Variants in CYRIB observed in about 807,000 individuals in gnomAD.
CYRIB encodes CYFIP related Rac1 interactor B, also known as CYFIP-related Rac1 interactor B.
A neutral mutation model predicts 44.2 loss-of-function variants in CYRIB; 8 were observed. The ratio of observed to expected loss-of-function variants is 0.18; its 90% CI spans 0.11 to 0.33. The LOEUF is 0.33. Ranked by LOEUF, CYRIB falls within the 10% of genes least tolerant of loss-of-function variation. CYRIB has a pLI of 1.00. For synonymous variants in CYRIB, 131 were observed against 127.2 expected (o/e 1.03, Z -0.20); for missense variants, 185 against 382.8 (o/e 0.48, Z 4.31).
intron 1 of CYRIB, among the ~76,000 whole-genome samples, chr8:129,917,061 G>GA (rs919272148): frequency 2.6e-5 from 4 of 152,166 alleles, no homozygotes; most frequent in Non-Finnish European, 5.9e-5. Context: ...TACTGCTTAG[G>GA]AAAAATCACA....
chr8:129,949,875 AT>A (rs1432425796), intron 2 of CYRIB, among the ~76,000 whole-genome samples: 3 of 152,038 alleles, frequency 2.0e-5, no homozygotes, highest in Non-Finnish European at 4.4e-5. Flanking sequence ...TTAAAAAAAA[AT>A]AATAATAATA....
intron 2 of CYRIB, among the ~76,000 whole-genome samples, chr8:129,968,780 A>C (rs2095581771): frequency 6.6e-6 from 1 of 152,138 alleles, no homozygotes; most frequent in African/African-American, 2.4e-5. Context: ...TTTCCAGTCA[A>C]GTCAAGCTTC....
rs2036656362 is a variant in CYRIB at position 129,842,208 on chromosome 8, A to G, written c.912-3T>C. On this transcript the variant is annotated splice_region_variant and splice_polypyrimidine_tract_variant and intron_variant, in intron 11 of 11. Transcript: ENST00000519824. ...CATTCAAATGTTTTGTTGTGTACCT[A>G]AAAAAAGAAAAGAAAAAAGATCAAT... 1 of 1,599,064 alleles carries G rather than the reference A, an allele frequency of 6.3e-7. No homozygotes were observed. The highest frequency in any genetic ancestry group is 8.6e-7 in the Non-Finnish European group (1 of 1,169,270).
At chr8:129,885,931 C>T (rs1171292579) in intron 2 of CYRIB, among the ~76,000 whole-genome samples, 1 of 152,198 alleles carries the variant, frequency 6.6e-6, no homozygotes, top group African/African-American at 2.4e-5. Context: ...ATCTTTCACA[C>T]ACAAAACACA....
chr8:129,985,884 C>G (rs1283297595), intron 1 of CYRIB, among the ~76,000 whole-genome samples: 1 of 152,158 alleles, frequency 6.6e-6, no homozygotes, highest in Non-Finnish European at 1.5e-5. Context: ...ACAGTCTACC[C>G]CAGCCCTACC....
intron 4 of CYRIB, among the ~76,000 whole-genome samples, chr8:129,866,526 C>T (rs2053689641): frequency 6.6e-6 from 1 of 151,918 alleles, no homozygotes; most frequent in Non-Finnish European, 1.5e-5. Context: ...TTAAATCACA[C>T]ATTTTGACTG....
intron 1 of CYRIB, among the ~76,000 whole-genome samples, chr8:129,925,398 T>A (rs2086947418): frequency 1.3e-5 from 2 of 151,598 alleles, no homozygotes; most frequent in Non-Finnish European, 1.5e-5. Flanking sequence ...TCTTAAAAAA[T>A]AATAATAATA....
chr8:129,956,034 C>G (rs1305432551), intron 2 of CYRIB, among the ~76,000 whole-genome samples: 1 of 152,200 alleles, frequency 6.6e-6, no homozygotes, highest in Non-Finnish European at 1.5e-5. Context: ...CCCCATCTTT[C>G]TCATTTTCAC....
At chr8:129,890,925 T>G (rs7846077) in intron 2 of CYRIB, among the ~76,000 whole-genome samples, 5 of 144,792 alleles carry the variant, frequency 3.5e-5, no homozygotes, top group South Asian at 2.2e-4. Flanking sequence ...AAAGAAAAAA[T>G]AAAAGAAGAA....
At chr8:129,887,085 T>C (rs28520393) in intron 2 of CYRIB, among the ~76,000 whole-genome samples, 8,709 of 152,172 alleles carry the variant, frequency 0.057, 832 homozygotes, top group African/African-American at 0.19. Context: ...GAAAATGCCT[T>C]GAAGGCATCT....
intron 2 of CYRIB, among the ~76,000 whole-genome samples, chr8:129,890,813 A>G (rs1287797527): frequency 6.6e-6 from 1 of 152,122 alleles, no homozygotes; most frequent in Admixed American, 6.6e-5. Context: ...GAATTTTTTG[A>G]ACACGGGAGG....
At chr8:130,013,432 G>C (rs2097270972) in intron 1 of CYRIB, among the ~76,000 whole-genome samples, 1 of 152,236 alleles carries the variant, frequency 6.6e-6, no homozygotes, top group African/African-American at 2.4e-5. Flanking sequence ...ATGAGGAAAA[G>C]AGGGGGCCGA....
intron 2 of CYRIB, among the ~76,000 whole-genome samples, chr8:129,886,081 T>C (rs2062659657): frequency 1.3e-5 from 2 of 152,224 alleles, no homozygotes; most frequent in Non-Finnish European, 2.9e-5. Flanking sequence ...TCATGTGCCC[T>C]CTACTACAAC....
intron 1 of CYRIB, among the ~76,000 whole-genome samples, chr8:129,977,680 C>T (rs576778280): frequency 2.2e-4 from 33 of 152,128 alleles, no homozygotes; most frequent in African/African-American, 5.8e-4. Flanking sequence ...TACAGGCGCC[C>T]GCCACCACGC....
intron 1 of CYRIB, chr8:130,008,402 G>C (rs922056088): frequency 1.3e-5 from 2 of 154,110 alleles, no homozygotes; most frequent in African/African-American, 4.8e-5. Flanking sequence ...TCCAATTCCT[G>C]AGTGAAAAGA....
chr8:129,970,120 C>T (rs1419467981), intron 2 of CYRIB, among the ~76,000 whole-genome samples: 1 of 152,146 alleles, frequency 6.6e-6, no homozygotes, highest in Non-Finnish European at 1.5e-5. Flanking sequence ...CAAAATTTCA[C>T]CAAGCTGTAC....
At chr8:129,843,937 A>G (rs2038145475) in intron 11 of CYRIB, 1 of 152,232 alleles carries the variant, frequency 6.6e-6, no homozygotes. Context: ...TGCGGAAGGA[A>G]GACAAGATAA....
intron 7 of CYRIB, among the ~76,000 whole-genome samples, 176 bp from the exon 10 acceptor site, chr8:129,852,454 C>G (rs1302496742): frequency 6.6e-6 from 1 of 152,056 alleles, no homozygotes; most frequent in Admixed American, 6.5e-5. Flanking sequence ...AGATTAACCT[C>G]TTCAAAAATA....
intron 1 of CYRIB, among the ~76,000 whole-genome samples, chr8:129,996,604 A>G (rs66523355): frequency 0.093 from 14,175 of 152,176 alleles, 1,096 homozygotes; most frequent in African/African-American, 0.22. Flanking sequence ...TATCTCAGAG[A>G]GCTTGAGGGA....
Sources: allele counts gnomAD v4.1 joint callset (sites outside exome capture counted in the v4.1 genomes callset), GRCh38; gene constraint gnomAD v4.1.1; transcripts MANE v1.5; gene names NCBI Gene and HGNC (gene_info 2026-07-23, HGNC 2026-07-21).